The following DNER variants were observed in gnomAD, a reference collection of about 807,000 sequenced individuals.
DNER encodes delta/notch like EGF repeat containing.
Under a neutral mutation model 78.2 loss-of-function variants are expected in DNER, and 33 were observed. The observed-to-expected ratio is 0.42, with a 90% CI of 0.32 to 0.56. DNER has a LOEUF of 0.56. Ranked by LOEUF, DNER falls within the 20% of genes least tolerant of loss-of-function variation. The pLI is 0.11. For synonymous variants in DNER, 417 were observed against 384.8 expected (o/e 1.08, Z -0.98); for missense variants, 918 against 975.3 (o/e 0.94, Z 0.78).
chr2:229,591,286 T>C lies in DNER; in HGVS notation c.585+294A>G, dbSNP rs1483127209. ...GTCAATGATGGAGGGTCCTATGACA[T>C]GTTCCTTTACATGACTACACTGAGC... On this transcript the variant is annotated intron_variant, in intron 2 of 12. Coordinates refer to ENST00000341772, the MANE Select transcript of DNER (RefSeq NM_139072.4). This position sits in a 1 kb window ranked among gnomAD's most constrained non-coding sequence, Gnocchi z 4.6. 6.6e-6 allele frequency among the ~76,000 whole-genome samples: 1 copy of C among 152,224 alleles called. No homozygotes were observed. Among genetic ancestry groups the C allele is most frequent in the African/African-American group, 2.4e-5 (1 of 41,452 alleles).
Position 229,358,419 on chromosome 2 carries a change from A to T in DNER, c.*121T>A. Reference sequence around the variant, plus strand: ...TAAAAGCTGCAGAAAATTAGTTCTTAAATATTCTACTGAAAACTCTTGAGC... The same window carrying T: ...TAAAAGCTGCAGAAAATTAGTTCTTTAATATTCTACTGAAAACTCTTGAGC... On this transcript the variant is annotated 3_prime_UTR_variant, in exon 13 of 13. Coordinates refer to ENST00000341772, the MANE Select transcript of DNER (RefSeq NM_139072.4). 1.2e-6 allele frequency: 1 copy of T among 818,152 alleles called. No individual in the cohort carries two copies. Among genetic ancestry groups the T allele is most frequent in the Non-Finnish European group, 1.8e-6 (1 of 558,410 alleles). The allele number at this position is 818,152 out of a possible 1,614,324, so 50.7% of individuals were successfully genotyped here.
Position 229,394,510 on chromosome 2 carries a change from G to T in DNER, c.1724-6114C>A, listed in dbSNP as rs111282791. Among the ~76,000 whole-genome samples the T allele has an allele frequency of 5.4e-3, 825 of 152,354 alleles. 7 individuals carry two copies. The highest frequency in any genetic ancestry group is 0.019 in the African/African-American group (791 of 41,582). On this transcript the variant is annotated intron_variant, in intron 10 of 12. Transcript: ENST00000341772. ...AGGCCTGCAGGAGCTGAGAGACCAA[G>T]AAATGGGTAAAGGGAATGAAGCGTC...
chr2:229,477,392 A>G (rs1695059437), intron 6 of DNER, 139 bp from the exon 7 acceptor site: 1 of 534,704 alleles, frequency 1.9e-6, no homozygotes, highest in South Asian at 3.0e-5. Context: ...CCTAGATCTC[A>G]TTTATTTTTA....
At chr2:229,630,468 A>G (rs1215374962) in intron 1 of DNER, among the ~76,000 whole-genome samples, 2 of 138,714 alleles carry the variant, frequency 1.4e-5, no homozygotes, top group Admixed American at 1.5e-4. Context: ...AGAGTGAGAG[A>G]CTCCATCTCA....
rs1386356390 is a variant in DNER at position 229,357,670 on chromosome 2, G to A, written c.*870C>T. ...ATTTATTCAATATGGTTGGAAATTA[G>A]CAAGAATCAGAAGAAGCACATATCA... On this transcript the variant is annotated 3_prime_UTR_variant, in exon 13 of 13. Transcript: ENST00000341772. 2 of 152,172 alleles carry A rather than the reference G, an allele frequency of 1.3e-5. No homozygotes were observed. Among genetic ancestry groups the A allele is most frequent in the Non-Finnish European group, 2.9e-5 (2 of 68,036 alleles). The allele number at this position is 152,172 out of a possible 1,614,324, so 9.4% of individuals were successfully genotyped here.
At chr2:229,432,827 TACA>T (rs976420129) in intron 8 of DNER, among the ~76,000 whole-genome samples, 2 of 152,218 alleles carry the variant, frequency 1.3e-5, no homozygotes, top group African/African-American at 4.8e-5. Context: ...TAGAAAAGTA[TACA>T]ACGTCTCCCA....
intron 6 of DNER, among the ~76,000 whole-genome samples, chr2:229,482,922 G>A (rs545643090): frequency 6.6e-6 from 1 of 152,282 alleles, no homozygotes; most frequent in South Asian, 2.1e-4. Flanking sequence ...AATGTCTTAA[G>A]AGGGCTACAA....
intron 4 of DNER, among the ~76,000 whole-genome samples, chr2:229,571,580 T>A (rs903930905): frequency 1.3e-5 from 2 of 152,174 alleles, no homozygotes; most frequent in Non-Finnish European, 2.9e-5. Context: ...CTCCCACCTC[T>A]GCACTCAACT....
Position 229,660,094 on chromosome 2 carries a change from T to G in DNER, c.276+54054A>C, listed in dbSNP as rs374477469. On this transcript the variant is annotated intron_variant, in intron 1 of 12. Transcript: ENST00000341772. ...GAGGTGACATTCTTCATTGACTTCTTTTAAGGAAATGTAAATGTGCTCCTT... is the reference window on the plus strand; with the variant it reads ...GAGGTGACATTCTTCATTGACTTCTGTTAAGGAAATGTAAATGTGCTCCTT... Among the ~76,000 whole-genome samples the G allele has an allele frequency of 8.5e-5, 13 of 152,182 alleles. 1 individual carries two copies. In the East Asian group the frequency reaches 2.1e-3, roughly 25 times the overall value.
intron 8 of DNER, among the ~76,000 whole-genome samples, chr2:229,431,888 C>T (rs1389756005): frequency 6.6e-6 from 1 of 151,890 alleles, no homozygotes; most frequent in Non-Finnish European, 1.5e-5. Context: ...AGAAGAAATC[C>T]CATTCCCTTT....
In DNER at chr2:229,358,530, CA is replaced by C; in HGVS notation, c.*9del. 1.3e-6 allele frequency: 2 copies of C among 1,586,012 alleles called. No individual in the cohort carries two copies. The highest frequency in any genetic ancestry group is 1.7e-6 in the Non-Finnish European group (2 of 1,165,782). ...TATCTCATCTTTTTGAAAAATAATC[CA>C]AAAAAAGATTACAAATCTTTAGTTT... On this transcript the variant is annotated 3_prime_UTR_variant, in exon 13 of 13. Transcript: ENST00000341772.
At chr2:229,681,615 C>T (rs1279445945) in intron 1 of DNER, among the ~76,000 whole-genome samples, 1 of 152,168 alleles carries the variant, frequency 6.6e-6, no homozygotes, top group Non-Finnish European at 1.5e-5. Context: ...AATTCCATAT[C>T]CTTTGCTATA....
At chr2:229,376,965 T>C (rs1182092839) in intron 11 of DNER, among the ~76,000 whole-genome samples, 1 of 152,192 alleles carries the variant, frequency 6.6e-6, no homozygotes, top group Non-Finnish European at 1.5e-5. Context: ...TTAAATTCCA[T>C]CTATTGTTAA....
intron 1 of DNER, among the ~76,000 whole-genome samples, chr2:229,631,431 C>A (rs1394587559): frequency 2.6e-5 from 4 of 152,200 alleles, no homozygotes; most frequent in Admixed American, 2.6e-4. Flanking sequence ...AGCTCCCCTC[C>A]AGCTTCTTCT....
At chr2:229,550,684 G>A (rs1234802211) in intron 4 of DNER, among the ~76,000 whole-genome samples, 1 of 152,136 alleles carries the variant, frequency 6.6e-6, no homozygotes, top group African/African-American at 2.4e-5. Flanking sequence ...GCTGAGGCAG[G>A]GGAATCGCTT....
At chr2:229,645,155 C>G (rs974399467) in intron 1 of DNER, among the ~76,000 whole-genome samples, 1 of 152,124 alleles carries the variant, frequency 6.6e-6, no homozygotes, top group South Asian at 2.1e-4. Context: ...CACCACCACA[C>G]CCGGTTAAAT....
At position 229,627,996 on chromosome 2, in the gene DNER, C is replaced by T. The variant is rs2024485; in HGVS notation, c.277-36108G>A. ...GAGGTAGAGTCCTTTTCTCCCCTCT[C>T]TTACACATGGGCAGGCCTGTGGCTG... On this transcript the variant is annotated intron_variant, in intron 1 of 12. Transcript: ENST00000341772. Among the ~76,000 whole-genome samples, 1,163 of 152,314 alleles carry T rather than the reference C, an allele frequency of 7.6e-3. 14 individuals are homozygous for T. The highest frequency in any genetic ancestry group is 0.013 in the African/African-American group (540 of 41,576).
intron 7 of DNER, among the ~76,000 whole-genome samples, chr2:229,453,153 C>T (rs763950345): frequency 1.9e-4 from 29 of 152,208 alleles, no homozygotes; most frequent in Admixed American, 5.2e-4. Context: ...GATATTAATG[C>T]TTACAATTTT....
chr2:229,590,294 T>C (rs1281054370), intron 2 of DNER, among the ~76,000 whole-genome samples: 1 of 152,214 alleles, frequency 6.6e-6, no homozygotes, highest in Non-Finnish European at 1.5e-5. Flanking sequence ...TCAAACTTGA[T>C]AGGAGAAGTT....
Sources: gnomAD v4.1 joint callset for allele counts (sites outside exome capture counted in the v4.1 genomes callset) on GRCh38, gnomAD v4.1.1 for gene constraint, Gnocchi (gnomAD v3.1) non-coding constraint, MANE v1.5 for transcripts, NCBI Gene and HGNC (gene_info 2026-07-23, HGNC 2026-07-21) for gene names.